Variants in CTNNA2 observed in about 807,000 individuals in gnomAD.
CTNNA2 encodes catenin alpha 2, also known as catenin alpha-2.
In CTNNA2, 42 loss-of-function variants were observed where a neutral mutation model predicts 101.0. That is an observed-to-expected ratio of 0.42 (90% CI 0.32 to 0.54). The LOEUF (loss-of-function observed/expected upper bound fraction) is 0.54. Ranked by LOEUF, CTNNA2 falls within the 20% of genes least tolerant of loss-of-function variation. The pLI is 0.14. For synonymous variants in CTNNA2, 450 were observed against 456.4 expected (o/e 0.99, Z 0.18); for missense variants, 871 against 1,223.1 (o/e 0.71, Z 4.29).
intron 3 of CTNNA2, among the ~76,000 whole-genome samples, chr2:79,831,985 C>T (rs1191780150): frequency 6.6e-6 from 1 of 152,088 alleles, no homozygotes; most frequent in Non-Finnish European, 1.5e-5. Flanking sequence ...TATGAAACCA[C>T]ATTGTAGTTC....
intron 7 of CTNNA2, among the ~76,000 whole-genome samples, chr2:80,174,239 CA>C (rs1403453487): frequency 1.3e-5 from 2 of 152,114 alleles, no homozygotes; most frequent in Non-Finnish European, 2.9e-5. Flanking sequence ...TGCTTTTTTC[CA>C]ACTGTGTTGC....
intron 12 of CTNNA2, among the ~76,000 whole-genome samples, chr2:80,564,580 T>TG (rs574796623): frequency 3.1e-4 from 47 of 151,498 alleles, no homozygotes; most frequent in African/African-American, 1.1e-3. Flanking sequence ...ATTCATCTCA[T>TG]GGGTTATGTA....
At chr2:80,525,885 G>A (rs974955325) in intron 9 of CTNNA2, among the ~76,000 whole-genome samples, 1 of 152,140 alleles carries the variant, frequency 6.6e-6, no homozygotes, top group African/African-American at 2.4e-5. Flanking sequence ...TCAAACATTG[G>A]CTCTGCCACT....
At chr2:79,310,824 T>C (rs1472437570) in intron 2 of CTNNA2, among the ~76,000 whole-genome samples, 1 of 152,204 alleles carries the variant, frequency 6.6e-6, no homozygotes, top group African/African-American at 2.4e-5. Context: ...TGGTGAATGT[T>C]ACTAATGTCT....
At chr2:80,509,062 G>A (rs188467315) in intron 9 of CTNNA2, among the ~76,000 whole-genome samples, 1 of 152,288 alleles carries the variant, frequency 6.6e-6, no homozygotes, top group Admixed American at 6.5e-5. Context: ...AGAAGGTTTA[G>A]GTGCCAAAAG....
intron 7 of CTNNA2, among the ~76,000 whole-genome samples, chr2:79,967,007 A>G (rs1240334055): frequency 1.3e-5 from 2 of 151,464 alleles, no homozygotes; most frequent in East Asian, 2.0e-4. Context: ...GGTCCTGTCT[A>G]TTTGTTTCCA....
chr2:80,581,249 C>T (rs1420773553), intron 13 of CTNNA2, among the ~76,000 whole-genome samples: 4 of 152,122 alleles, frequency 2.6e-5, no homozygotes, highest in African/African-American at 9.7e-5. Flanking sequence ...TGCTTATAAC[C>T]GTTATACCTT....
chr2:79,691,995 A>G (rs1242004844), intron 2 of CTNNA2, among the ~76,000 whole-genome samples: 3 of 152,190 alleles, frequency 2.0e-5, no homozygotes, highest in South Asian at 2.1e-4. Context: ...ACCAAAAGCA[A>G]TGGCAACAAA....
chr2:80,609,271 A>C (rs1698266373), intron 17 of CTNNA2, among the ~76,000 whole-genome samples: 1 of 151,776 alleles, frequency 6.6e-6, no homozygotes, highest in Admixed American at 6.6e-5. Context: ...GGAAATTTAG[A>C]AGTTTGGCCA....
chr2:80,596,154 GCT>G (rs1696930554), intron 15 of CTNNA2, among the ~76,000 whole-genome samples: 1 of 151,556 alleles, frequency 6.6e-6, no homozygotes, highest in Non-Finnish European at 1.5e-5. Context: ...TCATGATTTG[GCT>G]CTCTGCTTGT....
chr2:79,822,185 GTT>G (rs57916010), intron 3 of CTNNA2, among the ~76,000 whole-genome samples: 12 of 147,716 alleles, frequency 8.1e-5, no homozygotes, highest in Admixed American at 4.1e-4. Context: ...GATTCCAACG[GTT>G]TTTTTTTTTA....
chr2:80,159,242 G>A (rs2148941681), intron 7 of CTNNA2, among the ~76,000 whole-genome samples: 1 of 152,306 alleles, frequency 6.6e-6, no homozygotes, highest in East Asian at 1.9e-4. Flanking sequence ...CAGGTTCACA[G>A]CAAAATTGAG....
chr2:79,769,826 T>C (rs1233720320), intron 3 of CTNNA2, among the ~76,000 whole-genome samples: 1 of 152,220 alleles, frequency 6.6e-6, no homozygotes, highest in Non-Finnish European at 1.5e-5. Context: ...ATTTTTGTCA[T>C]AGCCTTTACC....
intron 7 of CTNNA2, among the ~76,000 whole-genome samples, chr2:80,099,756 A>AG (rs1491349198): frequency 1.7e-4 from 1 of 6,032 alleles, no homozygotes; most frequent in East Asian, 0.045. Flanking sequence ...TCTTTCCTTC[A>AG]AAAAAAAAAA....
intron 9 of CTNNA2, among the ~76,000 whole-genome samples, chr2:80,446,456 AT>A (rs1159845652): frequency 1.3e-5 from 2 of 152,356 alleles, no homozygotes; most frequent in Non-Finnish European, 2.9e-5. Context: ...CTAGAATATA[AT>A]CTTTTAAGTC....
chr2:80,062,245 A>G (rs2104383021), intron 7 of CTNNA2, among the ~76,000 whole-genome samples: 1 of 152,354 alleles, frequency 6.6e-6, no homozygotes, highest in Non-Finnish European at 1.5e-5. Context: ...AATTTCTCCA[A>G]TTTTAATTTT....
intron 4 of CTNNA2, among the ~76,000 whole-genome samples, chr2:79,462,962 A>G (rs527821360): frequency 3.3e-5 from 5 of 152,340 alleles, no homozygotes; most frequent in South Asian, 2.1e-4. Context: ...TCATCCAGGT[A>G]TCACATCATT....
At chr2:79,798,252 T>A (rs950777568) in intron 3 of CTNNA2, among the ~76,000 whole-genome samples, 1 of 152,194 alleles carries the variant, frequency 6.6e-6, no homozygotes, top group Non-Finnish European at 1.5e-5. Flanking sequence ...AAGATGGTAC[T>A]AATCCCCTAG....
At chr2:79,489,605 C>T (rs1671190061) in intron 4 of CTNNA2, among the ~76,000 whole-genome samples, 1 of 152,126 alleles carries the variant, frequency 6.6e-6, no homozygotes, top group South Asian at 2.1e-4. Context: ...TTGTTCTTTT[C>T]ATTACAAAGA....
Sources: allele counts gnomAD v4.1 joint callset (sites outside exome capture counted in the v4.1 genomes callset), GRCh38; gene constraint gnomAD v4.1.1; transcripts MANE v1.5; gene names NCBI Gene and HGNC (gene_info 2026-07-23, HGNC 2026-07-21).